The following ADRB3 variants were observed in gnomAD, a reference collection of about 807,000 sequenced individuals.
ADRB3 encodes the protein beta-3 adrenergic receptor.
In ADRB3, 33 loss-of-function variants were observed where a neutral mutation model predicts 23.8. The observed-to-expected ratio is 1.38, with a 90% CI of 1.05 to 1.85. ADRB3 has a LOEUF of 1.85. Among genes scored for constraint, ADRB3 ranks in the 40% most tolerant of loss-of-function variants. ADRB3 has a pLI of 0.00. For synonymous variants in ADRB3, 289 were observed against 273.0 expected (o/e 1.06, Z -0.58); for missense variants, 600 against 579.6 (o/e 1.04, Z -0.36).
At position 37,965,493 on chromosome 8, in the gene ADRB3, G is replaced by A; in HGVS notation, c.977C>T (p.Pro326Leu). ...TAGCCAGTTCAGGGCAAGGAAAGCC[G>A]GGCCCGGGACTAGAGAGGGGCCCCC... ...ALGGPSLVPG[P>L]AFLALNWLGY... The change falls in exon 1 of 2, where the codon CCG becomes CTG. Residue 326 changes from proline (P) to leucine (L), a missense_variant. By Grantham distance (98) the Pro-to-Leu change is moderately conservative (BLOSUM62 -3). Transcript: ENST00000345060. 6.4e-7 allele frequency: 1 copy of A among 1,552,176 alleles called. No homozygotes were observed. The highest frequency in any genetic ancestry group is 1.4e-5 in the African/African-American group (1 of 73,270).
Position 37,966,126 on chromosome 8 carries a change from G to A in ADRB3, c.344C>T (p.Ser115Leu). ...LGATGCELWT[S>L]VDVLCVTASI... is the part of the protein sequence containing the mutation. Reference sequence around the variant, plus strand: ...GGCGGTCACACACAGCACGTCCACCGAGGTCCACAGCTCGCAGCCAGTGGC... The same window carrying A: ...GGCGGTCACACACAGCACGTCCACCAAGGTCCACAGCTCGCAGCCAGTGGC... The change falls in exon 1 of 2, where the codon TCG becomes TTG. Residue 115 changes from serine to leucine, a missense_variant. Physicochemically the swap from Ser to Leu is moderately radical, Grantham distance 145. Transcript: ENST00000345060. 6.2e-7 allele frequency: 1 copy of A among 1,611,428 alleles called. No homozygotes were observed.
In ADRB3 at chr8:37,963,912, A is replaced by G. The variant is rs200836387; in HGVS notation, c.*306T>C. On this transcript the variant is annotated 3_prime_UTR_variant, in exon 2 of 2. Transcript: ENST00000345060. Reference sequence around the variant, plus strand: ...TTTGCCCTAAGCACTCACTGACTGCACAGGCAAGCCGGGTGATGGGTGCCC... The same window carrying G: ...TTTGCCCTAAGCACTCACTGACTGCGCAGGCAAGCCGGGTGATGGGTGCCC... The G allele has an allele frequency of 2.7e-6, 1 of 367,008 alleles. No individual in the cohort carries two copies. Among genetic ancestry groups the G allele is most frequent in the East Asian group, 5.8e-5 (1 of 17,264 alleles). The allele number at this position is 367,008 out of a possible 1,614,324, so 22.7% of individuals were successfully genotyped here. A position where few individuals can be genotyped will look rare whatever the true frequency, so the allele number is the denominator to read the frequency against.
In ADRB3 at chr8:37,965,578, T is replaced by C; in HGVS notation, c.892A>G (p.Met298Val). 6.5e-7 allele frequency: 1 copy of C among 1,549,630 alleles called. No homozygotes were observed. ...AACCAGCAGAGAGTGAAGGTGCCCA[T>C]GATGAGACCCAAGGTGCACAGGGCC... ...HRALCTLGLIMGTFTLCWLPF... is the reference protein window; with the variant it reads ...HRALCTLGLIVGTFTLCWLPF... Residue 298 changes from methionine to valine, a missense_variant, in exon 1 of 2, where the codon ATG (methionine) becomes GTG (valine). Coordinates refer to ENST00000345060, the MANE Select transcript of ADRB3 (RefSeq NM_000025.3).
In ADRB3 at chr8:37,966,295, T is replaced by C; in HGVS notation, c.175A>G (p.Ile59Val). The change falls in exon 1 of 2, where the codon ATC (isoleucine) becomes GTC (valine). Residue 59 changes from isoleucine to valine, a missense_variant. Transcript: ENST00000345060. ...LATVGGNLLV[I>V]VAIAWTPRLQ... is the part of the protein sequence containing the mutation. Reference sequence around the variant, plus strand: ...CTCGGAGTCCAGGCGATGGCCACGATGACCAGCAGGTTGCCTCCCACGGTG... The same window carrying C: ...CTCGGAGTCCAGGCGATGGCCACGACGACCAGCAGGTTGCCTCCCACGGTG... The C allele has an allele frequency of 2.5e-6, 4 of 1,613,724 alleles. No individual in the cohort carries two copies. Among genetic ancestry groups the C allele is most frequent in the Non-Finnish European group, 3.4e-6 (4 of 1,179,820 alleles).
At position 37,966,045 on chromosome 8, in the gene ADRB3, G is replaced by A. The variant is rs770567901; in HGVS notation, c.425C>T (p.Pro142Leu). The A allele has an allele frequency of 1.3e-6, 2 of 1,591,850 alleles. No homozygotes were observed. The highest frequency in any genetic ancestry group is 1.7e-6 in the Non-Finnish European group (2 of 1,169,248). The change falls in exon 1 of 2, where the codon CCG (proline) becomes CTG (leucine). Residue 142 changes from proline to leucine, a missense_variant. Pro to Leu is a moderately conservative substitution (Grantham distance 98). Transcript: ENST00000345060. ...AVDRYLAVTN[P>L]LRYGALVTKR... The stretch of plus-strand genomic sequence containing the variant: ...GGTGACCAGTGCGCCGTAACGCAGC[G>A]GGTTGGTCACAGCCAGGTAGCGGTC...
rs919039334 is a variant in ADRB3 at position 37,966,360 on chromosome 8, G to A, written c.110C>T (p.Ala37Val). ...TSGLPGVPWE[A>V]ALAGALLALA... The stretch of plus-strand genomic sequence containing the variant: ...CGCCAGCAGGGCCCCGGCTAGGGCC[G>A]CCTCCCACGGAACCCCTGGCAGCCC... The change falls in exon 1 of 2, where the codon GCG (alanine) becomes GTG (valine). Residue 37 changes from alanine to valine, a missense_variant. Coordinates refer to ENST00000345060, the MANE Select transcript of ADRB3 (RefSeq NM_000025.3). 2 of 1,611,352 alleles carry A rather than the reference G, an allele frequency of 1.2e-6. No individual in the cohort carries two copies. The highest frequency in any genetic ancestry group is 2.2e-5 in the East Asian group (1 of 44,850).
chr8:37,964,549 G>T (rs1406920582), intron 1 of ADRB3, among the ~76,000 whole-genome samples: 1 of 149,548 alleles, frequency 6.7e-6, no homozygotes, highest in Non-Finnish European at 1.5e-5. Context: ...GGGCGGGTGG[G>T]GGGGCACTAG....
In ADRB3 at chr8:37,965,350, C is replaced by T. The variant is rs533964715; in HGVS notation, c.1120G>A (p.Ala374Thr). Residue 374 changes from alanine to threonine, a missense_variant, in exon 1 of 2, where the codon GCC becomes ACC. By Grantham distance (58) the Ala-to-Thr change is moderately conservative. Coordinates refer to ENST00000345060, the MANE Select transcript of ADRB3 (RefSeq NM_000025.3). ...GRRLPPEPCAAARPALFPSGV... is the reference protein window; with the variant it reads ...GRRLPPEPCATARPALFPSGV... ...GAGGGGAAGAGGGCCGGGCGGGCGG[C>T]GGCGCAGGGCTCCGGAGGCAGGCGA... is the stretch of plus-strand genomic sequence containing the variant. 4.5e-5 allele frequency: 69 copies of T among 1,542,518 alleles called. No homozygotes were observed. The East Asian group carries it at 1.1e-3, about 24-fold the overall frequency.
rs555414077 is a variant in ADRB3 at position 37,963,683 on chromosome 8, A to G, written c.*535T>C. The G allele has an allele frequency of 2.0e-5, 3 of 153,326 alleles. No individual in the cohort carries two copies. The East Asian group carries it at 5.8e-4, about 30-fold the overall frequency. The allele number at this position is 153,326 out of a possible 1,614,324, so 9.5% of individuals were successfully genotyped here. On this transcript the variant is annotated 3_prime_UTR_variant, in exon 2 of 2. Coordinates refer to ENST00000345060, the MANE Select transcript of ADRB3 (RefSeq NM_000025.3). ...AAAACCCTGGCGAAGTCCTTCTGAC[A>G]CTGCTGTGAGGTAGATCGGAGCCAT...
chr8:37,963,329 T>C lies in ADRB3; in HGVS notation c.*889A>G, dbSNP rs1309047745. On this transcript the variant is annotated 3_prime_UTR_variant, in exon 2 of 2. Coordinates refer to ENST00000345060, the MANE Select transcript of ADRB3 (RefSeq NM_000025.3). ...TGGGGAGCGTGGCTTTGCTACTCAA[T>C]GGCAACTGGATTTCAAGAGTTTCAG... 6.6e-6 allele frequency: 1 copy of C among 152,196 alleles called. No individual in the cohort carries two copies. The highest frequency in any genetic ancestry group is 1.5e-5 in the Non-Finnish European group (1 of 68,052). 9.4% of individuals were successfully genotyped at this position (152,196 alleles called of 1,614,324 possible). A position where few individuals can be genotyped will look rare whatever the true frequency, so the allele number is the denominator to read the frequency against.
rs751999171 is a variant in ADRB3 at position 37,965,779 on chromosome 8, C to T, written c.691G>A (p.Ala231Thr). 2.6e-6 allele frequency: 4 copies of T among 1,551,492 alleles called. No individual in the cohort carries two copies. The Admixed American group carries it at 7.8e-5, about 30-fold the overall frequency. ...LFVYARVFVV[A>T]TRQLRLLRGE... ...CGCAGCAAGCGCAGCTGGCGCGTAG[C>T]CACCACGAAAACCCGCGCGTAGACG... Residue 231 changes from alanine (A) to threonine (T), a missense_variant, in exon 1 of 2, where the codon GCT becomes ACT. Physicochemically the swap from Ala to Thr is moderately conservative, Grantham distance 58 (BLOSUM62 0). Transcript: ENST00000345060.
Position 37,965,411 on chromosome 8 carries a change from G to A in ADRB3, c.1059C>T (p.Arg353=). 6.5e-7 allele frequency: 1 copy of A among 1,549,202 alleles called. No homozygotes were observed. Among genetic ancestry groups the A allele is most frequent in the Non-Finnish European group, 8.7e-7 (1 of 1,146,410 alleles). The change falls in exon 1 of 2, where the codon CGC becomes CGT. Residue 353 remains arginine (R), a synonymous_variant. Transcript: ENST00000345060. ...PLIYCRSPDF[R]SAFRRLLCRC... ...GGCACAGAAGACGGCGGAAGGCGCT[G>A]CGAAAGTCCGGGCTGCGGCAGTAGA... is the stretch of plus-strand genomic sequence containing the variant.
In ADRB3 at chr8:37,964,221, A is replaced by G; in HGVS notation, c.1224T>C (p.Ser408=). 6.2e-7 allele frequency: 1 copy of G among 1,613,734 alleles called. No individual in the cohort carries two copies. The highest frequency in any genetic ancestry group is 8.5e-7 in the Non-Finnish European group (1 of 1,179,736). Residue 408 remains serine (S), a synonymous_variant, in exon 2 of 2, where the codon TCT becomes TCC. Transcript: ENST00000345060. ...QRLDGASWGV[S] is the part of the protein sequence containing the mutation. The stretch of plus-strand genomic sequence containing the variant: ...TGTTGCTTCTTGTCCTTCAGGCCTA[A>G]GAAACTCCCCAAGAAGCCCTGGGAA...
At position 37,965,398 on chromosome 8, in the gene ADRB3, G is replaced by A. The variant is rs1179996342; in HGVS notation, c.1072C>T (p.Arg358Cys). 1 of 1,548,454 alleles carries A rather than the reference G, an allele frequency of 6.5e-7. No individual in the cohort carries two copies. Residue 358 changes from arginine (R) to cysteine (C), a missense_variant, in exon 1 of 2, where the codon CGT becomes TGT. Coordinates refer to ENST00000345060, the MANE Select transcript of ADRB3 (RefSeq NM_000025.3). ...RSPDFRSAFR[R>C]LLCRCGRRLP... is the part of the protein sequence containing the mutation. ...CGACGGCCGCAGCGGCACAGAAGAC[G>A]GCGGAAGGCGCTGCGAAAGTCCGGG...
In ADRB3 at chr8:37,966,368, C is replaced by G; in HGVS notation, c.102G>C (p.Pro34=). ...TANTSGLPGV[P]WEAALAGALL... ...GGGCCCCGGCTAGGGCCGCCTCCCA[C>G]GGAACCCCTGGCAGCCCACTGGTGT... is the stretch of plus-strand genomic sequence containing the variant. Residue 34 remains proline (P), a synonymous_variant, in exon 1 of 2, where the codon CCG becomes CCC. Coordinates refer to ENST00000345060, the MANE Select transcript of ADRB3 (RefSeq NM_000025.3). 1 of 1,611,270 alleles carries G rather than the reference C, an allele frequency of 6.2e-7. No individual in the cohort carries two copies. The highest frequency in any genetic ancestry group is 8.5e-7 in the Non-Finnish European group (1 of 1,178,998).
chr8:37,963,125 A>G lies in ADRB3; in HGVS notation c.*1093T>C, dbSNP rs373149135. On this transcript the variant is annotated 3_prime_UTR_variant, in exon 2 of 2. Transcript: ENST00000345060. ...ATTTATGACACAAGACATTTGACCA[A>G]CCCAAGCAATGCTTTGTGCCTGTGC... is the stretch of plus-strand genomic sequence containing the variant. 1.3e-5 allele frequency: 2 copies of G among 151,956 alleles called. No homozygotes were observed. Among genetic ancestry groups the G allele is most frequent in the South Asian group, 4.2e-4 (2 of 4,816 alleles). The allele number at this position is 151,956 out of a possible 1,614,324, so 9.4% of individuals were successfully genotyped here.
At position 37,966,531 on chromosome 8, in the gene ADRB3, G is replaced by T. The variant is rs1808325622; in HGVS notation, c.-62C>A. On this transcript the variant is annotated 5_prime_UTR_variant, in exon 1 of 2. Coordinates refer to ENST00000345060, the MANE Select transcript of ADRB3 (RefSeq NM_000025.3). ...AGGAGGGGGTCTCCCAAATCACCTGGCTCAGGGGAGGGGACAGCAAGGCAT... is the reference window on the plus strand; with the variant it reads ...AGGAGGGGGTCTCCCAAATCACCTGTCTCAGGGGAGGGGACAGCAAGGCAT... The T allele has an allele frequency of 6.6e-7, 1 of 1,520,000 alleles. No individual in the cohort carries two copies. The highest frequency in any genetic ancestry group is 1.2e-5 in the South Asian group (1 of 82,990). The allele number at this position is 1,520,000 out of a possible 1,614,324, so 94.2% of individuals were successfully genotyped here.
rs1808248060 is a variant in ADRB3 at position 37,963,948 on chromosome 8, C to T, written c.*270G>A. 1 of 417,704 alleles carries T rather than the reference C, an allele frequency of 2.4e-6. No individual in the cohort carries two copies. The highest frequency in any genetic ancestry group is 4.0e-5 in the Admixed American group (1 of 24,842). 25.9% of individuals were successfully genotyped at this position (417,704 alleles called of 1,614,324 possible). A position where few individuals can be genotyped will look rare whatever the true frequency, so the allele number is the denominator to read the frequency against. Reference sequence around the variant, plus strand: ...GGGTGATGGGTGCCCCTACCAAAGCCAGCCTGCTGCTCCACGGCACCTGGA... The same window carrying T: ...GGGTGATGGGTGCCCCTACCAAAGCTAGCCTGCTGCTCCACGGCACCTGGA... On this transcript the variant is annotated 3_prime_UTR_variant, in exon 2 of 2. Transcript: ENST00000345060.
intron 1 of ADRB3, chr8:37,965,019 G>T: frequency 2.2e-6 from 1 of 453,124 alleles, no homozygotes; most frequent in Non-Finnish European, 3.8e-6. Flanking sequence ...TTCCGGTGGC[G>T]CACCTTGGGT....
Sources: allele counts gnomAD v4.1 joint callset (sites outside exome capture counted in the v4.1 genomes callset), GRCh38; gene constraint gnomAD v4.1.1; transcripts MANE v1.5; gene names NCBI Gene and HGNC (gene_info 2026-07-23, HGNC 2026-07-21).